Variants in SLC8A1 observed in about 807,000 individuals in gnomAD.
SLC8A1 encodes solute carrier family 8 member A1, also known as sodium/calcium exchanger 1.
Under a neutral mutation model 68.3 loss-of-function variants are expected in SLC8A1, and 18 were observed. The observed-to-expected ratio is 0.26, with a 90% CI of 0.18 to 0.39. The LOEUF (loss-of-function observed/expected upper bound fraction) is 0.39, where lower values mean the gene tolerates loss of function less well. Among genes scored for constraint, SLC8A1 ranks in the 10% least tolerant of loss-of-function variants. The pLI is 1.00. For synonymous variants in SLC8A1, 475 were observed against 415.5 expected (o/e 1.14, Z -1.74); for missense variants, 985 against 1,156.7 (o/e 0.85, Z 2.15).
intron 2 of SLC8A1, among the ~76,000 whole-genome samples, chr2:40,331,922 A>ATGATAATT (rs1294894866): frequency 1.3e-5 from 2 of 151,850 alleles, no homozygotes; most frequent in African/African-American, 2.4e-5. Flanking sequence ...ATTTTCGTCT[A>ATGATAATT]TGATAATTTT....
At chr2:40,198,259 T>C (rs375830090) in intron 2 of SLC8A1, among the ~76,000 whole-genome samples, 58 of 152,072 alleles carry the variant, frequency 3.8e-4, no homozygotes, top group African/African-American at 1.4e-3. Flanking sequence ...AAGATAACGG[T>C]AGCAAAAAAC....
At chr2:40,113,434 CT>C (rs1259695203) in exon 8 of SLC8A1, 1 of 152,700 alleles carries the variant, frequency 6.5e-6, no homozygotes, top group Non-Finnish European at 1.5e-5. Context: ...ATAGAAACAG[CT>C]ATTCTTTTTA....
At chr2:40,180,326 G>A (rs2049260707) in intron 2 of SLC8A1, among the ~76,000 whole-genome samples, 1 of 152,182 alleles carries the variant, frequency 6.6e-6, no homozygotes, top group Non-Finnish European at 1.5e-5. Context: ...AGGCACAGGA[G>A]GATGGATGTA....
At chr2:40,209,412 A>T (rs1228175243) in intron 2 of SLC8A1, among the ~76,000 whole-genome samples, 2 of 152,076 alleles carry the variant, frequency 1.3e-5, no homozygotes, top group African/African-American at 4.8e-5. Flanking sequence ...CCTGGAGGAA[A>T]GGTGAGAGTT....
chr2:40,226,457 C>T (rs1213179182), intron 2 of SLC8A1, among the ~76,000 whole-genome samples: 1 of 152,132 alleles, frequency 6.6e-6, no homozygotes, highest in Non-Finnish European at 1.5e-5. Context: ...TCTGCCAAGG[C>T]ACAGGGAAAG....
intron 1 of SLC8A1, among the ~76,000 whole-genome samples, chr2:40,436,940 G>C (rs1699537121): frequency 6.6e-6 from 1 of 151,968 alleles, no homozygotes; most frequent in Non-Finnish European, 1.5e-5. Context: ...GCCCTACTCA[G>C]GGCACTGATG....
chr2:40,151,268 CGT>C (rs3059326), intron 6 of SLC8A1, among the ~76,000 whole-genome samples: 22,731 of 150,882 alleles, frequency 0.15, 2,034 homozygotes, highest in African/African-American at 0.25. Context: ...GTGTATGGTG[CGT>C]GTGTGTGTGT....
chr2:40,156,739 T>C (rs1014036128), intron 6 of SLC8A1, among the ~76,000 whole-genome samples: 1 of 152,222 alleles, frequency 6.6e-6, no homozygotes, highest in African/African-American at 2.4e-5. Flanking sequence ...ATCTACTATA[T>C]AATGTGCATG....
At position 40,200,192 on chromosome 2, in the gene SLC8A1, TTATATATATATATAAATATA is replaced by T. The variant is rs1256060543; in HGVS notation, c.1809-22357_1809-22338del. ...GTCATTGATATATATATATATATAT[TTATATATATATATAAATATA>T]TATATATTTTTTTATATATATATAT... On this transcript the variant is annotated intron_variant, in intron 2 of 7. Transcript: ENST00000406785. 4.2e-4 allele frequency among the ~76,000 whole-genome samples: 4 copies of T among 9,616 alleles called. 1 individual carries two copies. Among genetic ancestry groups the T allele is most frequent in the African/African-American group, 1.1e-3 (4 of 3,692 alleles). The allele number at this position is 9,616 out of a possible 152,430, so 6.3% of individuals were successfully genotyped here. A position where few individuals can be genotyped will look rare whatever the true frequency, so the allele number is the denominator to read the frequency against.
At chr2:40,437,437 A>C (rs770282294) in intron 1 of SLC8A1, among the ~76,000 whole-genome samples, 10 of 152,130 alleles carry the variant, frequency 6.6e-5, no homozygotes, top group Non-Finnish European at 1.2e-4. Flanking sequence ...GATCCATGTG[A>C]AGGATCATCA....
intron 2 of SLC8A1, among the ~76,000 whole-genome samples, chr2:40,298,177 T>C (rs1238502041): frequency 6.6e-6 from 1 of 152,162 alleles, no homozygotes; most frequent in Non-Finnish European, 1.5e-5. Flanking sequence ...CCACCATGCC[T>C]GGTCTGTACA....
chr2:40,474,040 C>T (rs1038714271), intron 1 of SLC8A1, among the ~76,000 whole-genome samples: 2 of 152,052 alleles, frequency 1.3e-5, no homozygotes, highest in Non-Finnish European at 2.9e-5. Context: ...TAGAACATTC[C>T]AGCTAAGATT....
intron 2 of SLC8A1, among the ~76,000 whole-genome samples, chr2:40,352,974 C>G (rs1671575017): frequency 6.6e-6 from 1 of 152,102 alleles, no homozygotes; most frequent in Admixed American, 6.5e-5. Flanking sequence ...GCATAACTCT[C>G]ACTTACGGAA....
intron 2 of SLC8A1, among the ~76,000 whole-genome samples, chr2:40,253,040 A>AGATAT (rs1553453312): frequency 4.6e-5 from 4 of 87,718 alleles, no homozygotes; most frequent in African/African-American, 1.3e-4. Flanking sequence ...CATATGTATC[A>AGATAT]GTATATGTAT....
chr2:40,318,971 A>G (rs1022960233), intron 2 of SLC8A1, among the ~76,000 whole-genome samples: 1 of 152,100 alleles, frequency 6.6e-6, no homozygotes, highest in African/African-American at 2.4e-5. Flanking sequence ...CAATGATTCT[A>G]TGGATTTGCC....
At chr2:40,424,317 T>C (rs1696302935) in intron 2 of SLC8A1, among the ~76,000 whole-genome samples, 1 of 151,794 alleles carries the variant, frequency 6.6e-6, no homozygotes, top group South Asian at 2.1e-4. Context: ...CAGAATTGAA[T>C]TGCCATCTCA....
intron 5 of SLC8A1, among the ~76,000 whole-genome samples, chr2:40,162,309 T>G (rs1330302137): frequency 6.6e-6 from 1 of 152,204 alleles, no homozygotes; most frequent in East Asian, 1.9e-4. Flanking sequence ...TCCTCACTGC[T>G]ACAAATTCAA....
intron 2 of SLC8A1, among the ~76,000 whole-genome samples, chr2:40,288,192 AC>A (rs1482877626): frequency 6.6e-6 from 1 of 151,632 alleles, no homozygotes; most frequent in Non-Finnish European, 1.5e-5. Flanking sequence ...CAAATAATAG[AC>A]CCCCTCAAGA....
Position 40,421,626 on chromosome 2 carries a change from C to T in SLC8A1, c.1808+6847G>A, listed in dbSNP as rs1695527473. Among the ~76,000 whole-genome samples the T allele has an allele frequency of 2.6e-5, 4 of 152,190 alleles. No homozygotes were observed. In the South Asian group the frequency reaches 8.3e-4, roughly 32 times the overall value. ...GCACCAGCCTGAAAGGTGAGGGACT[C>T]AGGTTCTGCTTTTCGTTCTTACCTT... On this transcript the variant is annotated intron_variant, in intron 2 of 7. Coordinates refer to ENST00000406785, the Ensembl canonical transcript of SLC8A1.
Sources: allele counts gnomAD v4.1 joint callset (sites outside exome capture counted in the v4.1 genomes callset), GRCh38; gene constraint gnomAD v4.1.1; transcripts MANE v1.5; gene names NCBI Gene and HGNC (gene_info 2026-07-23, HGNC 2026-07-21).